ENPP1: variants seen among roughly 807,000 people sequenced by gnomAD.
ENPP1 encodes the protein ectonucleotide pyrophosphatase/phosphodiesterase 1.
A neutral mutation model predicts 122.8 loss-of-function variants in ENPP1; 73 were observed. The observed-to-expected ratio is 0.59, with a 90% confidence interval of 0.49 to 0.72. The LOEUF (loss-of-function observed/expected upper bound fraction) is 0.72, where lower values mean the gene tolerates loss of function less well. Ranked by LOEUF, ENPP1 falls within the 30% of genes least tolerant of loss-of-function variation. ENPP1 has a pLI of 0.00. For synonymous variants in ENPP1, 367 were observed against 391.6 expected, an observed-to-expected ratio of 0.94 and a Z score of 0.74; for missense variants, 978 against 1,128.1, an observed-to-expected ratio of 0.87 and a Z score of 1.91.
intron 24 of ENPP1, among the ~76,000 whole-genome samples, chr6:131,888,649 T>G (rs1425512834): frequency 6.6e-6 from 1 of 152,196 alleles, no homozygotes; most frequent in East Asian, 1.9e-4. Flanking sequence ...TAGAACACAT[T>G]TCTCATTATT....
chr6:131,827,736 G>C (rs1368255787), intron 1 of ENPP1: 18 of 693,032 alleles, frequency 2.6e-5, no homozygotes, highest in East Asian at 2.3e-4. Flanking sequence ...CCTCCTTCTT[G>C]TCCAGGCCAC....
Position 131,882,451 on chromosome 6 carries a change from G to A in ENPP1, c.2207G>A (p.Ser736Asn). ...TTTTATAAAAATAACACCAAAGTGA[G>A]TTACGGGTTCCTCTCCCCACCACGT... ...CSFYKNNTKV[S>N]YGFLSPPQLN... The change falls in exon 21 of 25, where the codon AGT (serine) becomes AAT (asparagine). Residue 736 changes from serine (S) to asparagine (N), a missense_variant. Coordinates refer to ENST00000647893, the MANE Select transcript of ENPP1 (RefSeq NM_006208.3). 6.2e-7 allele frequency: 1 copy of A among 1,609,004 alleles called. No homozygotes were observed. The highest frequency in any genetic ancestry group is 8.5e-7 in the Non-Finnish European group (1 of 1,176,986).
In ENPP1 at chr6:131,850,037, C is replaced by T. The variant is rs956488367; in HGVS notation, c.361C>T (p.Arg121Cys). The T allele has an allele frequency of 9.3e-6, 15 of 1,613,870 alleles. No homozygotes were observed. Among genetic ancestry groups the T allele is most frequent in the Admixed American group, 3.3e-5 (2 of 59,978 alleles). Reference protein sequence around the residue: ...RCFERTFGNCRCDAACVELGN... With the variant: ...RCFERTFGNCCCDAACVELGN... ...TTTCGAGAGAACATTTGGGAACTGT[C>T]GCTGTGATGCTGCCTGTGTTGAGCT... Residue 121 changes from arginine (R) to cysteine (C), a missense_variant, in exon 3 of 25, where the codon CGC becomes TGC. By Grantham distance (180) the Arg-to-Cys change is radical. Around this residue, in one of 3 missense-constraint regions of ENPP1, gnomAD observed 330 missense variants for 328.5 expected, o/e 1.00. Transcript: ENST00000647893.
In ENPP1 at chr6:131,847,856, G is replaced by GTTGT. The variant is rs879243445; in HGVS notation, c.313+8_313+9insTTGT. ...CAAGCTGTGCCAAAGAAGGTAATTA[G>GTTGT]GTGTGTGTGTGTGTGTGTGTGTGTG... On this transcript the variant is annotated intron_variant, in intron 2 of 24. Transcript: ENST00000647893. 1.1e-3 allele frequency: 1,259 copies of GTTGT among 1,181,944 alleles called. 20 individuals carry two copies. The African/African-American group carries it at 0.016, about 15-fold the overall frequency. 73.2% of individuals were successfully genotyped at this position (1,181,944 alleles called of 1,614,324 possible). A position where few individuals can be genotyped will look rare whatever the true frequency, so the allele number is the denominator to read the frequency against.
In ENPP1 at chr6:131,851,161, C is replaced by G; in HGVS notation, c.450C>G (p.Asn150Lys). 9 of 1,614,038 alleles carry G rather than the reference C, an allele frequency of 5.6e-6. No homozygotes were observed. The highest frequency in any genetic ancestry group is 7.6e-6 in the Non-Finnish European group (9 of 1,179,944). Residue 150 changes from asparagine (N) to lysine (K), a missense_variant, in exon 4 of 25, where the codon AAC (asparagine) becomes AAG (lysine). Asn to Lys is a moderately conservative substitution (Grantham distance 94). Transcript: ENST00000647893. Reference protein sequence around the residue: ...CIEPEHIWTCNKFRCGEKRLT... With the variant: ...CIEPEHIWTCKKFRCGEKRLT... ...TTCTAGAACATATATGGACTTGCAA[C>G]AAATTCAGGTGTGGTGAGAAAAGGT...
At chr6:131,814,564 G>A (rs1781393287) in intron 1 of ENPP1, among the ~76,000 whole-genome samples, 1 of 152,184 alleles carries the variant, frequency 6.6e-6, no homozygotes, top group African/African-American at 2.4e-5. Flanking sequence ...AGATTTGGGT[G>A]TAAAAATTAT....
intron 1 of ENPP1, 47 bp downstream of exon 1, chr6:131,808,322 G>C: frequency 1.4e-6 from 2 of 1,468,072 alleles, no homozygotes; most frequent in Non-Finnish European, 1.8e-6. Context: ...TGGGAGTACG[G>C]GGAGGGCGGC....
chr6:131,871,925 C>A, intron 13 of ENPP1, 145 bp from the exon 14 acceptor site: 1 of 677,782 alleles, frequency 1.5e-6, no homozygotes, highest in Non-Finnish European at 2.6e-6. Context: ...CTTTCAGTGG[C>A]TACAATGTAA....
chr6:131,856,965 C>T (rs1176698814), intron 6 of ENPP1, among the ~76,000 whole-genome samples: 18 of 151,886 alleles, frequency 1.2e-4, no homozygotes, highest in African/African-American at 2.7e-4. Flanking sequence ...ATTGACTTGG[C>T]GATGCGGGCT....
At chr6:131,865,046 A>C (rs1434988588) in intron 11 of ENPP1, 108 bp downstream of exon 11, 1 of 771,656 alleles carries the variant, frequency 1.3e-6, no homozygotes, top group East Asian at 2.5e-5. Context: ...CATTTCTGGA[A>C]AAAGCAAGTA....
At chr6:131,879,790 AAGTAG>A in intron 19 of ENPP1, 85 bp from the exon 20 acceptor site, 9 of 1,151,112 alleles carry the variant, frequency 7.8e-6, no homozygotes, top group Non-Finnish European at 1.2e-5. Context: ...CAATATAATT[AAGTAG>A]AGGAAAGGAT....
chr6:131,884,803 T>A, intron 22 of ENPP1, 128 bp from the exon 23 acceptor site: 1 of 1,155,212 alleles, frequency 8.7e-7, no homozygotes, highest in East Asian at 2.4e-5. Context: ...AAACGAAGAC[T>A]GAAGCCAAAC....
At chr6:131,861,748 C>A in intron 9 of ENPP1, 44 bp downstream of exon 9, 1 of 1,057,016 alleles carries the variant, frequency 9.5e-7, no homozygotes, top group Non-Finnish European at 1.5e-6. Flanking sequence ...TATAGAACAG[C>A]TTATTCTTAT....
intron 1 of ENPP1, chr6:131,827,507 G>A: frequency 1.6e-6 from 1 of 630,424 alleles, no homozygotes; most frequent in East Asian, 2.8e-5. Flanking sequence ...CGAAGGAATA[G>A]ACACACTGGT....
At chr6:131,872,397 T>C (rs955075463) in intron 14 of ENPP1, among the ~76,000 whole-genome samples, 1 of 152,206 alleles carries the variant, frequency 6.6e-6, no homozygotes, top group African/African-American at 2.4e-5. Flanking sequence ...ACCCTGTAGC[T>C]GTACCACCAT....
chr6:131,874,532 A>G (rs1436234105), intron 16 of ENPP1, among the ~76,000 whole-genome samples, 195 bp downstream of exon 16: 1 of 151,302 alleles, frequency 6.6e-6, no homozygotes, highest in Non-Finnish European at 1.5e-5. Context: ...CTAAAAAGTC[A>G]AAAAACAACA....
At chr6:131,854,616 G>A (rs190056136) in intron 5 of ENPP1, among the ~76,000 whole-genome samples, 24 of 152,220 alleles carry the variant, frequency 1.6e-4, no homozygotes, top group African/African-American at 5.1e-4. Flanking sequence ...AGCAATTGGT[G>A]TAGCTTTTGG....
intron 6 of ENPP1, among the ~76,000 whole-genome samples, chr6:131,856,315 C>T (rs894220306): frequency 6.0e-5 from 9 of 150,918 alleles, no homozygotes; most frequent in East Asian, 3.9e-4. Context: ...TCATGTCCTT[C>T]GCCCACTTTT....
chr6:131,862,813 A>G (rs1782040892), intron 9 of ENPP1, among the ~76,000 whole-genome samples: 1 of 152,164 alleles, frequency 6.6e-6, no homozygotes, highest in Non-Finnish European at 1.5e-5. Flanking sequence ...TGGAGGCCGC[A>G]TGGCCCCTAA....
Sources: allele counts gnomAD v4.1 joint callset (sites outside exome capture counted in the v4.1 genomes callset), GRCh38; gene constraint gnomAD v4.1.1; regional missense constraint gnomAD v4.1.1; transcripts MANE v1.5; gene names NCBI Gene and HGNC (gene_info 2026-07-23, HGNC 2026-07-21).